Variants in ACSS2 observed in about 807,000 individuals in gnomAD.
ACSS2 encodes acetyl-coenzyme A synthetase, cytoplasmic.
In ACSS2, 58 loss-of-function variants were observed where a neutral mutation model predicts 90.6. That is an observed-to-expected ratio of 0.64 (90% CI 0.52 to 0.80). The LOEUF is 0.80. ACSS2 is among the 30% of genes least tolerant of loss of function. ACSS2 has a pLI of 0.00. For synonymous variants in ACSS2, 300 were observed against 330.9 expected, an observed-to-expected ratio of 0.91 and a Z score of 1.01; for missense variants, 759 against 912.0, an observed-to-expected ratio of 0.83 and a Z score of 2.16.
At chr20:34,876,495 T>C (rs2079909606), upstream of ACSS2, 3 of 675,646 alleles carry the variant, frequency 4.4e-6, no homozygotes, top group Non-Finnish European at 2.1e-6. Flanking sequence ...CCCCGCCCCC[T>C]CTGGCACCGC....
At chr20:34,892,893 C>T (rs1191823634) in intron 2 of ACSS2, among the ~76,000 whole-genome samples, 1 of 152,098 alleles carries the variant, frequency 6.6e-6, no homozygotes, top group Non-Finnish European at 1.5e-5. Flanking sequence ...GTCCAGTGTT[C>T]TTGTTTTATA....
chr20:34,926,780 G>A (rs1398791898), intron 16 of ACSS2, 97 bp from the exon 17 acceptor site: 3 of 1,222,998 alleles, frequency 2.5e-6, no homozygotes, highest in Admixed American at 1.9e-5. Context: ...AGGGACTTGA[G>A]GAGGAAACAG....
At chr20:34,906,163 G>A (rs554263800) in intron 2 of ACSS2, among the ~76,000 whole-genome samples, 6 of 152,154 alleles carry the variant, frequency 3.9e-5, no homozygotes, top group African/African-American at 9.6e-5. Context: ...GTGAAACCCC[G>A]TCTCTACTAA....
At chr20:34,885,323 A>G (rs929764347) in intron 2 of ACSS2, among the ~76,000 whole-genome samples, 7 of 152,244 alleles carry the variant, frequency 4.6e-5, no homozygotes, top group Non-Finnish European at 7.3e-5. Flanking sequence ...CTAATGGAAA[A>G]CAGAATACAC....
rs2081352307 is a variant in ACSS2 at position 34,927,888 on chromosome 20, G to A, written c.*674G>A. 6.5e-6 allele frequency: 1 copy of A among 152,724 alleles called. No homozygotes were observed. The highest frequency in any genetic ancestry group is 1.9e-4 in the East Asian group (1 of 5,186). The allele number at this position is 152,724 out of a possible 1,614,324, so 9.5% of individuals were successfully genotyped here. A position where few individuals can be genotyped will look rare whatever the true frequency, so the allele number is the denominator to read the frequency against. On this transcript the variant is annotated 3_prime_UTR_variant, in exon 18 of 18. Coordinates refer to ENST00000360596, the MANE Select transcript of ACSS2 (RefSeq NM_018677.4). The surrounding 1 kb of genome is among the most constrained non-coding windows in gnomAD (Gnocchi z 4.2). ...ACCCAGCCCATAAGAGACATTCTCA[G>A]ATGAAACTCTGTTTTCTTGCCCCAG...
At position 34,876,773 on chromosome 20, in the gene ACSS2, C is replaced by G. The variant is rs1368197605; in HGVS notation, c.128C>G (p.Ser43Trp). 3 of 1,389,708 alleles carry G rather than the reference C, an allele frequency of 2.2e-6. No individual in the cohort carries two copies. Among genetic ancestry groups the G allele is most frequent in the Non-Finnish European group, 2.8e-6 (3 of 1,063,696 alleles). The allele number at this position is 1,389,708 out of a possible 1,614,324, so 86.1% of individuals were successfully genotyped here. ...PEVSRSAHVP[S>W]LQRYRELHRR... is the part of the protein sequence containing the mutation. Reference sequence around the variant, plus strand: ...GTCAGCCGCTCCGCGCACGTCCCCTCGCTGCAGCGCTACCGCGAGCTGCAC... The same window carrying G: ...GTCAGCCGCTCCGCGCACGTCCCCTGGCTGCAGCGCTACCGCGAGCTGCAC... Residue 43 changes from serine to tryptophan, a missense_variant, in exon 1 of 18, where the codon TCG (serine) becomes TGG (tryptophan). Ser to Trp is a radical substitution (Grantham distance 177, BLOSUM62 -3). Coordinates refer to ENST00000360596, the MANE Select transcript of ACSS2 (RefSeq NM_018677.4).
chr20:34,912,964 T>G, intron 2 of ACSS2, 132 bp from the exon 3 acceptor site: 2 of 742,434 alleles, frequency 2.7e-6, no homozygotes. Context: ...AGATTGATGG[T>G]GGGCAGATAG....
chr20:34,925,595 A>G, intron 14 of ACSS2, 103 bp from the exon 15 acceptor site: 1 of 1,276,854 alleles, frequency 7.8e-7, no homozygotes, highest in Non-Finnish European at 1.1e-6. Context: ...GGAAGCAGGA[A>G]GACTTGTTAG....
intron 2 of ACSS2, among the ~76,000 whole-genome samples, chr20:34,902,603 A>T (rs2080691271): frequency 2.0e-5 from 3 of 152,138 alleles, no homozygotes; most frequent in Admixed American, 1.3e-4. Context: ...GTTGGGGAGG[A>T]TACAAGGCAT....
upstream of ACSS2, chr20:34,875,973 G>A (rs1374234513): frequency 6.5e-6 from 1 of 152,716 alleles, no homozygotes; most frequent in Non-Finnish European, 1.5e-5. Context: ...ATGCCCTCAA[G>A]GTCATGGGAG....
Position 34,921,540 on chromosome 20 carries a change from C to T in ACSS2, c.1411-4C>T, listed in dbSNP as rs866979613. 6 of 1,614,192 alleles carry T rather than the reference C, an allele frequency of 3.7e-6. No homozygotes were observed. Among genetic ancestry groups the T allele is most frequent in the Middle Eastern group, 1.7e-4 (1 of 6,060 alleles). Reference sequence around the variant, plus strand: ...CTCAAATTTCTCATCTCTGACTTCCCCAGGGTGGCCACATGTTGACTCCCC... The same window carrying T: ...CTCAAATTTCTCATCTCTGACTTCCTCAGGGTGGCCACATGTTGACTCCCC... On this transcript the variant is annotated splice_region_variant and splice_polypyrimidine_tract_variant and intron_variant, in intron 11 of 17. Coordinates refer to ENST00000360596, the MANE Select transcript of ACSS2 (RefSeq NM_018677.4).
At chr20:34,883,577 C>T (rs2080119370) in intron 2 of ACSS2, among the ~76,000 whole-genome samples, 2 of 152,218 alleles carry the variant, frequency 1.3e-5, no homozygotes, top group African/African-American at 2.4e-5. Context: ...CCATGACACT[C>T]TATTATTCCT....
chr20:34,927,419 G>A lies in ACSS2; in HGVS notation c.*205G>A. ...AAGGACAGGGCCCAGGTCAGCCTCAGTCTGCTGTGCCTCCAGACTGCAGAG... is the reference window on the plus strand; with the variant it reads ...AAGGACAGGGCCCAGGTCAGCCTCAATCTGCTGTGCCTCCAGACTGCAGAG... On this transcript the variant is annotated 3_prime_UTR_variant, in exon 18 of 18. Coordinates refer to ENST00000360596, the MANE Select transcript of ACSS2 (RefSeq NM_018677.4). The surrounding 1 kb of genome is among the most constrained non-coding windows in gnomAD (Gnocchi z 4.2). 1 of 663,652 alleles carries A rather than the reference G, an allele frequency of 1.5e-6. No individual in the cohort carries two copies. The highest frequency in any genetic ancestry group is 1.9e-5 in the South Asian group (1 of 53,120). 41.1% of individuals were successfully genotyped at this position (663,652 alleles called of 1,614,324 possible).
chr20:34,920,905 G>A lies in ACSS2; in HGVS notation c.1144-101G>A, dbSNP rs2081181800. On this transcript the variant is annotated intron_variant, in intron 9 of 17. Transcript: ENST00000360596. ...TGTCTGGCCAGGGAGTGAAGATATG[G>A]TTGGTCAGAAAGGGCAAAATACTGA... The A allele has an allele frequency of 2.6e-6, 4 of 1,558,900 alleles. No individual in the cohort carries two copies. In the Admixed American group the frequency reaches 6.9e-5, roughly 27 times the overall value.
chr20:34,891,955 G>A (rs1218017992), intron 2 of ACSS2, among the ~76,000 whole-genome samples: 1 of 152,234 alleles, frequency 6.6e-6, no homozygotes, highest in Non-Finnish European at 1.5e-5. Flanking sequence ...CTGAGTTTGT[G>A]TCTGGGCCAA....
intron 2 of ACSS2, among the ~76,000 whole-genome samples, chr20:34,891,326 C>T (rs1181321086): frequency 1.3e-5 from 2 of 152,100 alleles, no homozygotes; most frequent in Admixed American, 6.5e-5. Flanking sequence ...CTGCAAGGTC[C>T]CTTTCATCTC....
At chr20:34,877,693 C>T (rs2079951682) in intron 1 of ACSS2, among the ~76,000 whole-genome samples, 1 of 151,726 alleles carries the variant, frequency 6.6e-6, no homozygotes, top group Admixed American at 6.6e-5. Context: ...GTGGCGGGCA[C>T]CTGTAATCCC....
At chr20:34,925,297 C>T (rs569354365) in intron 14 of ACSS2, among the ~76,000 whole-genome samples, 4 of 152,224 alleles carry the variant, frequency 2.6e-5, no homozygotes, top group East Asian at 1.9e-4. Context: ...CATGCTTACT[C>T]GCATGGTTGT....
At chr20:34,920,739 G>A in intron 9 of ACSS2, 30 bp downstream of exon 9, 2 of 1,591,930 alleles carry the variant, frequency 1.3e-6, no homozygotes, top group Non-Finnish European at 1.7e-6. Context: ...GCCTAGCTGG[G>A]GGATGGACAA....
Sources: gnomAD v4.1 joint callset for allele counts (sites outside exome capture counted in the v4.1 genomes callset) on GRCh38, gnomAD v4.1.1 for gene constraint, Gnocchi (gnomAD v3.1) non-coding constraint, MANE v1.5 for transcripts, NCBI Gene and HGNC (gene_info 2026-07-23, HGNC 2026-07-21) for gene names.